The following RSF1 variants were observed in gnomAD, a reference collection of about 807,000 sequenced individuals.
RSF1 encodes HBV pX-associated protein 8.
Under a neutral mutation model 145.2 loss-of-function variants are expected in RSF1, and 13 were observed. That is an observed-to-expected ratio of 0.09 (90% CI 0.06 to 0.14). RSF1 has a LOEUF of 0.14. RSF1 is among the 10% of genes least tolerant of loss of function. The pLI is 1.00. For missense variants in RSF1, 1,517 were observed against 1,718.2 expected (o/e 0.88, Z 2.07); for synonymous variants, 577 against 592.6 (o/e 0.97, Z 0.38).
intron 7 of RSF1, among the ~76,000 whole-genome samples, chr11:77,693,941 C>T (rs1445251723): frequency 6.6e-6 from 1 of 151,978 alleles, no homozygotes. Context: ...CCTGCCACCA[C>T]ACCCAGCTAA....
chr11:77,792,586 C>G (rs1175093902), intron 1 of RSF1, among the ~76,000 whole-genome samples: 2 of 152,154 alleles, frequency 1.3e-5, no homozygotes, highest in Admixed American at 1.3e-4. Context: ...CTACTAATAA[C>G]CAGACCCTAA....
At chr11:77,780,003 T>C (rs1420946267) in intron 1 of RSF1, among the ~76,000 whole-genome samples, 1 of 152,234 alleles carries the variant, frequency 6.6e-6, no homozygotes, top group Non-Finnish European at 1.5e-5. Flanking sequence ...AAATCATCTT[T>C]TTATCCCACT....
intron 1 of RSF1, among the ~76,000 whole-genome samples, chr11:77,778,079 C>G (rs1195395003): frequency 6.1e-5 from 1 of 16,360 alleles, no homozygotes; most frequent in Non-Finnish European, 1.2e-4. Flanking sequence ...GCAGCCTAGG[C>G]AATACAGGCA....
At chr11:77,850,185 G>A in the RSF1 span, among the ~76,000 whole-genome samples, 1 of 152,134 alleles carries the variant, frequency 6.6e-6, no homozygotes, top group South Asian at 2.1e-4. Flanking sequence ...AAAGGACAGA[G>A]CAGATTTTGT....
intron 1 of RSF1, among the ~76,000 whole-genome samples, chr11:77,797,936 C>T (rs534016204): frequency 5.3e-5 from 8 of 152,236 alleles, no homozygotes; most frequent in Admixed American, 3.3e-4. Context: ...TAGGCAAATG[C>T]AAATCAAAAC....
chr11:77,786,533 A>G (rs1948458520), intron 1 of RSF1, among the ~76,000 whole-genome samples: 1 of 152,164 alleles, frequency 6.6e-6, no homozygotes, highest in African/African-American at 2.4e-5. Flanking sequence ...TCTGTTGTTG[A>G]GACCACTAGA....
At chr11:77,821,667 A>G (rs1220268839), upstream of RSF1, among the ~76,000 whole-genome samples, 1 of 151,886 alleles carries the variant, frequency 6.6e-6, no homozygotes, top group Non-Finnish European at 1.5e-5. Flanking sequence ...GAGGCGGAAC[A>G]TGACAGGAGA....
intron 1 of RSF1, among the ~76,000 whole-genome samples, chr11:77,820,287 C>G (rs905165812): frequency 1.3e-5 from 2 of 152,200 alleles, no homozygotes; most frequent in East Asian, 3.9e-4. Context: ...ACACCTAGCC[C>G]GCAACGCCTC....
chr11:77,683,393 G>A (rs1959917450), intron 11 of RSF1, among the ~76,000 whole-genome samples: 1 of 151,558 alleles, frequency 6.6e-6, no homozygotes, highest in African/African-American at 2.4e-5. Flanking sequence ...ATTTGGAAAG[G>A]ATCACTCTGC....
Position 77,701,934 on chromosome 11 carries a change from G to A in RSF1, c.1295C>T (p.Thr432Ile), listed in dbSNP as rs1400903099. The A allele has an allele frequency of 1.2e-6, 2 of 1,613,478 alleles. No individual in the cohort carries two copies. Among genetic ancestry groups the A allele is most frequent in the African/African-American group, 2.7e-5 (2 of 74,866 alleles). Reference sequence around the variant, plus strand: ...CTGTTTCCCTTCATGACCCAAAGCAGTGATTGTAGAGATCCTTTTACAAGT... The same window carrying A: ...CTGTTTCCCTTCATGACCCAAAGCAATGATTGTAGAGATCCTTTTACAAGT... ...EETCKRISTI[T>I]ALGHEGKQLV... Residue 432 changes from threonine to isoleucine, a missense_variant, in exon 6 of 16, where the codon ACT (threonine) becomes ATT (isoleucine). Transcript: ENST00000308488.
At chr11:77,765,743 A>C (rs867801168) in intron 1 of RSF1, among the ~76,000 whole-genome samples, 13 of 152,282 alleles carry the variant, frequency 8.5e-5, no homozygotes, top group African/African-American at 2.9e-4. Context: ...CTGTCAAAAT[A>C]AGCATTTTTC....
At chr11:77,716,936 G>T (rs1016213018) in intron 5 of RSF1, among the ~76,000 whole-genome samples, 4 of 152,070 alleles carry the variant, frequency 2.6e-5, no homozygotes, top group African/African-American at 9.7e-5. Context: ...CTTGCACTTT[G>T]GGAGGCCGAG....
chr11:77,705,033 G>A (rs1021202566), intron 5 of RSF1, among the ~76,000 whole-genome samples: 1 of 152,116 alleles, frequency 6.6e-6, no homozygotes, highest in African/African-American at 2.4e-5. Context: ...TTACAGGTGT[G>A]AGCCACCATG....
intron 1 of RSF1, among the ~76,000 whole-genome samples, chr11:77,779,384 A>AAT (rs1554996910): frequency 1.3e-4 from 19 of 142,550 alleles, no homozygotes; most frequent in Admixed American, 9.1e-4. Context: ...TCTAAAAAAA[A>AAT]TTTTTTTTTT....
chr11:77,693,762 G>GACAT (rs1165339237), intron 7 of RSF1, 151 bp from the exon 8 acceptor site: 1 of 284,232 alleles, frequency 3.5e-6, no homozygotes, highest in Non-Finnish European at 6.4e-6. Context: ...TTAGGGATCT[G>GACAT]ACATTTATTT....
chr11:77,722,293 G>GT (rs1416329960), intron 5 of RSF1, among the ~76,000 whole-genome samples: 4 of 152,294 alleles, frequency 2.6e-5, no homozygotes, highest in Admixed American at 6.5e-5. Context: ...GTGTTGAGAG[G>GT]TATAACATCA....
At chr11:77,830,987 C>CAAAAAAAAAA in the RSF1 span, among the ~76,000 whole-genome samples, 4 of 100,502 alleles carry the variant, frequency 4.0e-5, no homozygotes, top group Non-Finnish European at 6.1e-5. Context: ...CAAAATATAC[C>CAAAAAAAAAA]AAAAAAAAAA....
intron 9 of RSF1, among the ~76,000 whole-genome samples, chr11:77,689,643 C>T (rs1326430871): frequency 6.6e-6 from 1 of 152,082 alleles, no homozygotes; most frequent in Admixed American, 6.5e-5. Flanking sequence ...TTGGTCTGTA[C>T]TATATTATTG....
chr11:77,673,633 A>G (rs1458790569), intron 14 of RSF1, among the ~76,000 whole-genome samples: 1 of 152,236 alleles, frequency 6.6e-6, no homozygotes, highest in Non-Finnish European at 1.5e-5. Context: ...ATATAACAGA[A>G]ATGACAGAGT....
Sources: gnomAD v4.1 joint callset for allele counts (sites outside exome capture counted in the v4.1 genomes callset) on GRCh38, gnomAD v4.1.1 for gene constraint, MANE v1.5 for transcripts, NCBI Gene and HGNC (gene_info 2026-07-23, HGNC 2026-07-21) for gene names.